MYOF: variants seen among roughly 807,000 people sequenced by gnomAD.
MYOF encodes the protein fer-1-like 3, myoferlin.
In MYOF, 244 loss-of-function variants were observed where a neutral mutation model predicts 284.2. That is an observed-to-expected ratio of 0.86 (90% CI 0.77 to 0.95). The LOEUF is 0.95. Ranked by LOEUF, MYOF falls within the 40% of genes least tolerant of loss-of-function variation. The probability of loss-of-function intolerance (pLI) is 0.00; values close to 1 mark genes in which losing one functional copy is unlikely to be tolerated. For synonymous variants in MYOF, 904 were observed against 919.7 expected (o/e 0.98, Z 0.31); for missense variants, 2,496 against 2,560.6 (o/e 0.97, Z 0.54).
At chr10:93,386,545 G>T (rs773612415) in intron 19 of MYOF, among the ~76,000 whole-genome samples, 5 of 152,172 alleles carry the variant, frequency 3.3e-5, no homozygotes, top group African/African-American at 1.2e-4. Context: ...TCCTGAGGCT[G>T]GGGGGTGGAG....
intron 4 of MYOF, among the ~76,000 whole-genome samples, chr10:93,431,060 C>G (rs1168968376): frequency 1.7e-5 from 2 of 120,858 alleles, no homozygotes; most frequent in Non-Finnish European, 3.3e-5. Flanking sequence ...TGGAGTTTCT[C>G]TCTTGTCACC....
rs138558720 is a variant in MYOF, at chr10:93,425,634, C to A, written c.433+437G>T. On this transcript the variant is annotated intron_variant, in intron 5 of 53. Coordinates refer to ENST00000359263, the MANE Select transcript of MYOF (RefSeq NM_013451.4). Reference sequence around the variant, plus strand: ...GGGAGACAGTGAAGGAGGTTCCAGTCGAAAGCCATGCCCATGAGACTGGTG... The same window carrying A: ...GGGAGACAGTGAAGGAGGTTCCAGTAGAAAGCCATGCCCATGAGACTGGTG... The A allele has an allele frequency of 3.7e-3, 635 of 169,664 alleles. 4 individuals carry two copies. The highest frequency in any genetic ancestry group is 0.015 in the African/African-American group (613 of 42,014). 10.5% of individuals were successfully genotyped at this position (169,664 alleles called of 1,614,324 possible).
At chr10:93,313,856 G>A (rs767599808) in intron 50 of MYOF, among the ~76,000 whole-genome samples, 13 of 151,994 alleles carry the variant, frequency 8.6e-5, no homozygotes, top group African/African-American at 3.1e-4. Flanking sequence ...AGCAGAGATC[G>A]CACCATTGTT....
At chr10:93,441,925 C>A (rs1413712116) in intron 3 of MYOF, among the ~76,000 whole-genome samples, 1 of 150,544 alleles carries the variant, frequency 6.6e-6, no homozygotes, top group Admixed American at 6.7e-5. Flanking sequence ...ATTCTATATC[C>A]TTTTCCTTTA....
intron 22 of MYOF, 151 bp from the exon 23 acceptor site, chr10:93,375,106 G>A: frequency 1.3e-6 from 1 of 752,498 alleles, no homozygotes; most frequent in African/African-American, 1.8e-5. Flanking sequence ...GGTTTACGCT[G>A]GAGTAGAGTG....
Position 93,399,448 on chromosome 10 carries a change from C to T in MYOF, c.1165G>A (p.Ala389Thr). Residue 389 changes from alanine to threonine, a missense_variant, in exon 13 of 54, where the codon GCA becomes ACA. Transcript: ENST00000359263. ...QTVKEIFGGNADKKNLVDPFV... is the reference protein window; with the variant it reads ...QTVKEIFGGNTDKKNLVDPFV... ...GGATCCACGAGATTTTTCTTATCTG[C>T]ATTGCCTCCAAATATTTCCTTTACT... 1 of 1,613,862 alleles carries T rather than the reference C, an allele frequency of 6.2e-7. No individual in the cohort carries two copies. Among genetic ancestry groups the T allele is most frequent in the Middle Eastern group, 1.7e-4 (1 of 6,030 alleles).
At chr10:93,465,543 T>C (rs3083370) in intron 1 of MYOF, among the ~76,000 whole-genome samples, 1 of 96,402 alleles carries the variant, frequency 1.0e-5, no homozygotes, top group African/African-American at 3.6e-5. Flanking sequence ...CTTTTCTTTT[T>C]TTTTTTTTTT....
chr10:93,368,432 G>A (rs1316574891), intron 25 of MYOF, among the ~76,000 whole-genome samples: 1 of 152,206 alleles, frequency 6.6e-6, no homozygotes, highest in Non-Finnish European at 1.5e-5. Flanking sequence ...TGCTTAACAA[G>A]AGACCTAGTT....
intron 3 of MYOF, among the ~76,000 whole-genome samples, chr10:93,433,912 T>C (rs182797906): frequency 2.6e-5 from 4 of 152,264 alleles, no homozygotes; most frequent in Admixed American, 2.6e-4. Context: ...CCCAACCACA[T>C]AGGTCCAGAG....
intron 5 of MYOF, among the ~76,000 whole-genome samples, chr10:93,425,573 T>G (rs1206569157): frequency 2.0e-5 from 3 of 151,938 alleles, no homozygotes; most frequent in African/African-American, 7.3e-5. Context: ...TTAGAGGACC[T>G]GGGGCTGTTT....
intron 22 of MYOF, among the ~76,000 whole-genome samples, chr10:93,376,398 G>A (rs931540379): frequency 6.6e-6 from 1 of 152,152 alleles, no homozygotes; most frequent in African/African-American, 2.4e-5. Flanking sequence ...CCAGCTCTGG[G>A]CATCAGATAT....
chr10:93,353,866 G>A lies in MYOF; in HGVS notation c.3426C>T (p.Arg1142=), dbSNP rs1459570780. ...NFDRVYIYHL[R]CYVYQARNLL... is the part of the protein sequence containing the mutation. Reference sequence around the variant, plus strand: ...GGTTTCTGGCTTGATAGACATAGCAGCGCAGATGGTAGATGTAGACTCCTA... The same window carrying A: ...GGTTTCTGGCTTGATAGACATAGCAACGCAGATGGTAGATGTAGACTCCTA... The change falls in exon 32 of 54, where the codon CGC becomes CGT. Residue 1142 remains arginine (R), a synonymous_variant. Transcript: ENST00000359263. 6.2e-7 allele frequency: 1 copy of A among 1,610,284 alleles called. No homozygotes were observed. Among genetic ancestry groups the A allele is most frequent in the South Asian group, 1.1e-5 (1 of 90,516 alleles).
chr10:93,358,458 C>G (rs1188445836), intron 29 of MYOF, among the ~76,000 whole-genome samples: 1 of 152,146 alleles, frequency 6.6e-6, no homozygotes, highest in African/African-American at 2.4e-5. Flanking sequence ...GGTATATACC[C>G]AGAGGAATAT....
intron 5 of MYOF, 133 bp downstream of exon 5, chr10:93,425,938 C>T (rs1168759110): frequency 7.0e-6 from 6 of 863,058 alleles, no homozygotes; most frequent in East Asian, 5.3e-5. Context: ...CCACCTGCCT[C>T]TCGGGGCCCC....
In MYOF at chr10:93,482,104, T is replaced by G; in HGVS notation, c.88+3A>C. 4 of 1,612,914 alleles carry G rather than the reference T, an allele frequency of 2.5e-6. No homozygotes were observed. The highest frequency in any genetic ancestry group is 3.4e-6 in the Non-Finnish European group (4 of 1,179,086). On this transcript the variant is annotated splice_donor_region_variant and intron_variant, in intron 1 of 53. Coordinates refer to ENST00000359263, the MANE Select transcript of MYOF (RefSeq NM_013451.4). ...TCAGAAAAAGAAGAAAACTTTTTCT[T>G]ACCCTTAAAAATGACAGAAACAATA... is the stretch of plus-strand genomic sequence containing the variant.
At chr10:93,317,615 C>T (rs772304143) in intron 49 of MYOF, among the ~76,000 whole-genome samples, 9 of 151,974 alleles carry the variant, frequency 5.9e-5, no homozygotes, top group African/African-American at 1.7e-4. Flanking sequence ...CCAGCCTGGG[C>T]GACAGAGATT....
rs1189403249 is a variant in MYOF at position 93,319,936 on chromosome 10, T to C, written c.5534A>G (p.Asn1845Ser). 3 of 1,614,092 alleles carry C rather than the reference T, an allele frequency of 1.9e-6. No homozygotes were observed. The African/African-American group carries it at 4.0e-5, about 22-fold the overall frequency. Reference protein sequence around the residue: ...YRSLDGEGNFNWRFVFPFDYL... With the variant: ...YRSLDGEGNFSWRFVFPFDYL... ...GTCAAACGGGAAAACAAATCGCCAG[T>C]TAAAATTCCCTTCACCATCCAAAGA... The change falls in exon 49 of 54, where the codon AAC becomes AGC. Residue 1845 changes from asparagine (N) to serine (S), a missense_variant. Transcript: ENST00000359263.
intron 1 of MYOF, among the ~76,000 whole-genome samples, chr10:93,457,911 T>TG (rs777985295): frequency 7.4e-6 from 1 of 134,260 alleles, no homozygotes; most frequent in Non-Finnish European, 1.7e-5. Context: ...TTTTCTATGT[T>TG]TTTTTTTTTT....
rs1406931657 is a variant in MYOF at position 93,310,548 on chromosome 10, C to T, written c.5985G>A (p.Lys1995=). 2 of 1,614,130 alleles carry T rather than the reference C, an allele frequency of 1.2e-6. No individual in the cohort carries two copies. The highest frequency in any genetic ancestry group is 1.1e-5 in the South Asian group (1 of 91,080). ...KGRDEPNMNP[K]LDLPNRPETS... Reference sequence around the variant, plus strand: ...AGGCCTCTCACTTTGGTAAGTCCAGCTTGGGGTTCATGTTGGGTTCGTCCC... The same window carrying T: ...AGGCCTCTCACTTTGGTAAGTCCAGTTTGGGGTTCATGTTGGGTTCGTCCC... Residue 1995 remains lysine, a synonymous_variant, in exon 52 of 54, where the codon AAG becomes AAA. Transcript: ENST00000359263.
Sources: allele counts gnomAD v4.1 joint callset (sites outside exome capture counted in the v4.1 genomes callset), GRCh38; gene constraint gnomAD v4.1.1; transcripts MANE v1.5; gene names NCBI Gene and HGNC (gene_info 2026-07-23, HGNC 2026-07-21).